CRKL: variants seen among roughly 807,000 people sequenced by gnomAD.
CRKL encodes CRK like proto-oncogene, adaptor protein.
A neutral mutation model predicts 23.0 loss-of-function variants in CRKL; 3 were observed. The observed-to-expected ratio is 0.13, with a 90% CI of 0.06 to 0.34. The LOEUF is 0.34. CRKL is among the 10% of genes least tolerant of loss of function. The pLI is 1.00. For missense variants in CRKL, 256 were observed against 394.5 expected (o/e 0.65, Z 2.97); for synonymous variants, 188 against 160.7 (o/e 1.17, Z -1.28).
At chr22:20,925,421 C>G (rs529499573) in intron 1 of CRKL, among the ~76,000 whole-genome samples, 4 of 151,182 alleles carry the variant, frequency 2.6e-5, no homozygotes, top group Non-Finnish European at 4.4e-5. Context: ...GTCGGGAGTT[C>G]GAGACTGAAC....
At chr22:20,944,157 T>C (rs1343539189) in intron 2 of CRKL, among the ~76,000 whole-genome samples, 1 of 149,546 alleles carries the variant, frequency 6.7e-6, no homozygotes, top group East Asian at 1.9e-4. Context: ...TTTTTTTTTT[T>C]TTTAATTTCT....
chr22:20,922,138 G>A (rs1350497402), intron 1 of CRKL, among the ~76,000 whole-genome samples: 1 of 150,000 alleles, frequency 6.7e-6, no homozygotes. Flanking sequence ...TCAGCCTCCT[G>A]AGTAGCTGGG....
intron 1 of CRKL, among the ~76,000 whole-genome samples, chr22:20,925,804 C>A (rs550103669): frequency 6.6e-6 from 1 of 152,102 alleles, no homozygotes; most frequent in Non-Finnish European, 1.5e-5. Context: ...ATTTGAATAC[C>A]TGAGCTTTTG....
intron 1 of CRKL, among the ~76,000 whole-genome samples, chr22:20,926,559 G>A (rs1475575274): frequency 6.6e-6 from 1 of 152,110 alleles, no homozygotes; most frequent in Non-Finnish European, 1.5e-5. Context: ...GGTACCTGCT[G>A]GAAGCCAGGT....
rs57177824 is a variant in CRKL at position 20,944,139 on chromosome 22, C to CTTT, written c.778-5553_778-5551dup. On this transcript the variant is annotated intron_variant, in intron 2 of 2. Transcript: ENST00000354336. Reference sequence around the variant, plus strand: ...TGTAGATCACTTTGGGTAGTATTAGCTTTTTTTTTTTTTTTTTTTTTAATT... The same window carrying CTTT: ...TGTAGATCACTTTGGGTAGTATTAGCTTTTTTTTTTTTTTTTTTTTTTTTAATT... 4.9e-3 allele frequency among the ~76,000 whole-genome samples: 516 copies of CTTT among 105,788 alleles called. 4 individuals are homozygous for CTTT. The highest frequency in any genetic ancestry group is 0.029 in the Middle Eastern group (4 of 136). 69.4% of individuals were successfully genotyped at this position (105,788 alleles called of 152,430 possible).
At chr22:20,923,440 G>A in intron 1 of CRKL, among the ~76,000 whole-genome samples, 1 of 151,708 alleles carries the variant, frequency 6.6e-6, no homozygotes, top group African/African-American at 2.4e-5. Context: ...ACCATGCCCG[G>A]GTAACTTTTT....
At chr22:20,934,883 C>T (rs184159802) in intron 2 of CRKL, among the ~76,000 whole-genome samples, 62 of 146,850 alleles carry the variant, frequency 4.2e-4, no homozygotes, top group African/African-American at 1.4e-3. Flanking sequence ...GCTCAATCTC[C>T]GCTCACTGCA....
rs569794794 is a variant in CRKL, at chr22:20,947,417, C to G, written c.778-2294C>G. Among the ~76,000 whole-genome samples, 91 of 151,278 alleles carry G rather than the reference C, an allele frequency of 6.0e-4. 1 individual carries two copies. The highest frequency in any genetic ancestry group is 2.0e-3 in the African/African-American group (84 of 41,166). On this transcript the variant is annotated intron_variant, in intron 2 of 2. Transcript: ENST00000354336. ...ACACGATTTTGGCTCACTGCAACCT[C>G]CACCTCCCAGGTTCAAGTGATTCTC...
At chr22:20,929,468 C>G (rs1921358523) in intron 1 of CRKL, among the ~76,000 whole-genome samples, 1 of 149,090 alleles carries the variant, frequency 6.7e-6, no homozygotes, top group Non-Finnish European at 1.5e-5. Flanking sequence ...CCTGCCTTAT[C>G]TATTTAATTT....
Position 20,946,444 on chromosome 22 carries a change from C to T in CRKL, c.778-3267C>T, listed in dbSNP as rs188819775. On this transcript the variant is annotated intron_variant, in intron 2 of 2. Coordinates refer to ENST00000354336, the MANE Select transcript of CRKL (RefSeq NM_005207.4). ...GTGTCCACTCCCCAGGTGCTAAGTG[C>T]GGCCAGCCACAAAGATAGTGTTTTG... 4.7e-3 allele frequency among the ~76,000 whole-genome samples: 718 copies of T among 152,228 alleles called. 26 individuals carry two copies. The highest frequency in any genetic ancestry group is 1.2e-3 in the Non-Finnish European group (82 of 68,014).
At position 20,949,712 on chromosome 22, in the gene CRKL, T is replaced by C; in HGVS notation, c.779T>C (p.Val260Ala). 6.2e-7 allele frequency: 1 copy of C among 1,612,622 alleles called. No individual in the cohort carries two copies. Residue 260 changes from valine (V) to alanine (A), a missense_variant and splice_region_variant, in exon 3 of 3, where the codon GTT becomes GCT. Transcript: ENST00000354336. ...AYDKTALALE[V>A]GDIVKVTRMN... ...ACTTTGTCTTCTTCATCCATACAGG[T>C]TGGTGACATCGTGAAAGTCACAAGG...
At chr22:20,943,769 G>C (rs553367457) in intron 2 of CRKL, among the ~76,000 whole-genome samples, 3 of 152,258 alleles carry the variant, frequency 2.0e-5, no homozygotes, top group African/African-American at 7.2e-5. Flanking sequence ...GAGGTGAGAA[G>C]ATTGCTTGAG....
rs1032907980 is a variant in CRKL at position 20,951,096 on chromosome 22, T to G, written c.*1251T>G. The G allele has an allele frequency of 1.3e-5, 3 of 232,390 alleles. No homozygotes were observed. Among genetic ancestry groups the G allele is most frequent in the Admixed American group, 5.6e-5 (1 of 17,748 alleles). 14.4% of individuals were successfully genotyped at this position (232,390 alleles called of 1,614,324 possible). On this transcript the variant is annotated 3_prime_UTR_variant, in exon 3 of 3. Coordinates refer to ENST00000354336, the MANE Select transcript of CRKL (RefSeq NM_005207.4). ...CAGCTTTTCAGTGAATGTACCCCTT[T>G]AAGGTTCAGACTTAAACTTCCTTAA...
In CRKL at chr22:20,935,351, G is replaced by A. The variant is rs79172087; in HGVS notation, c.777+1107G>A. On this transcript the variant is annotated intron_variant, in intron 2 of 2. Transcript: ENST00000354336. ...TGGTTTTGAACTCCTGACCTCAGGC[G>A]ATCTGCCTGCCTTGGCCTCCCAAAG... is the stretch of plus-strand genomic sequence containing the variant. Among the ~76,000 whole-genome samples the A allele has an allele frequency of 3.8e-4, 58 of 152,116 alleles. No individual in the cohort carries two copies. In the East Asian group the frequency reaches 8.4e-3, roughly 22 times the overall value.
chr22:20,931,023 G>A (rs183214563), intron 1 of CRKL, among the ~76,000 whole-genome samples: 638 of 152,080 alleles, frequency 4.2e-3, no homozygotes, highest in Non-Finnish European at 7.3e-3. Flanking sequence ...ACTCTTGGAT[G>A]GAGTCTAAGG....
chr22:20,933,232 T>G (rs1921521013), intron 1 of CRKL, among the ~76,000 whole-genome samples: 1 of 151,698 alleles, frequency 6.6e-6, no homozygotes. Flanking sequence ...TAGCGGGGCG[T>G]GGTGGCATGT....
At position 20,953,270 on chromosome 22, in the gene CRKL, G is replaced by A. The variant is rs989167022; in HGVS notation, c.*3425G>A. 1.7e-5 allele frequency: 4 copies of A among 231,196 alleles called. No individual in the cohort carries two copies. The highest frequency in any genetic ancestry group is 5.7e-5 in the Admixed American group (1 of 17,670). 14.3% of individuals were successfully genotyped at this position (231,196 alleles called of 1,614,324 possible). A position where few individuals can be genotyped will look rare whatever the true frequency, so the allele number is the denominator to read the frequency against. ...TGCCTCAACTCCACCCTCTGCGACC[G>A]GAGGACTATGCCCCTAGTAACTGCT... On this transcript the variant is annotated 3_prime_UTR_variant, in exon 3 of 3. Coordinates refer to ENST00000354336, the MANE Select transcript of CRKL (RefSeq NM_005207.4).
chr22:20,923,186 CTT>C (rs1440986759), intron 1 of CRKL, among the ~76,000 whole-genome samples: 2 of 152,056 alleles, frequency 1.3e-5, no homozygotes, highest in Admixed American at 6.6e-5. Context: ...ACTCAGCAGA[CTT>C]TGAGCATTAC....
chr22:20,917,934 C>G lies in CRKL; in HGVS notation c.-1C>G. 6.2e-7 allele frequency: 1 copy of G among 1,613,052 alleles called. No homozygotes were observed. Among genetic ancestry groups the G allele is most frequent in the Non-Finnish European group, 8.5e-7 (1 of 1,179,662 alleles). ...CGCCGCAGAGTCCCCGGTCCAACAC[C>G]ATGTCCTCCGCCAGGTTCGACTCCT... On this transcript the variant is annotated 5_prime_UTR_variant, in exon 1 of 3. Transcript: ENST00000354336.
Sources: allele counts gnomAD v4.1 joint callset (sites outside exome capture counted in the v4.1 genomes callset), GRCh38; gene constraint gnomAD v4.1.1; transcripts MANE v1.5; gene names NCBI Gene and HGNC (gene_info 2026-07-23, HGNC 2026-07-21).